Variants in TEP1 observed in about 807,000 individuals in gnomAD.
TEP1 encodes telomerase protein component 1.
TEP1 carries 241 observed loss-of-function variants against 306.3 expected under a neutral mutation model. The observed-to-expected ratio is 0.79, with a 90% CI of 0.71 to 0.88. The LOEUF (loss-of-function observed/expected upper bound fraction) is 0.88. TEP1 is among the 40% of genes least tolerant of loss of function. TEP1 has a pLI of 0.00. For missense variants in TEP1, 3,051 were observed against 3,276.1 expected, an observed-to-expected ratio of 0.93 and a Z score of 1.68; for synonymous variants, 1,289 against 1,305.5, an observed-to-expected ratio of 0.99 and a Z score of 0.27.
intron 51 of TEP1, among the ~76,000 whole-genome samples, chr14:20,370,240 G>T (rs577274597): frequency 9.1e-6 from 1 of 110,148 alleles, no homozygotes; most frequent in African/African-American, 3.2e-5. Context: ...AATGTACATC[G>T]GCGATGTATT....
rs774794104 is a variant in TEP1, at chr14:20,382,386, G to T, written c.4141-30C>A. ...GATGGCGGGAGGACAGCCTTGTTCAGTGCAGTGGGAGGAGAAGCAGCTTGG... is the reference window on the plus strand; with the variant it reads ...GATGGCGGGAGGACAGCCTTGTTCATTGCAGTGGGAGGAGAAGCAGCTTGG... On this transcript the variant is annotated intron_variant, in intron 28 of 54. Coordinates refer to ENST00000262715, the MANE Select transcript of TEP1 (RefSeq NM_007110.5). 7 of 1,584,582 alleles carry T rather than the reference G, an allele frequency of 4.4e-6. No individual in the cohort carries two copies. The Admixed American group carries it at 6.9e-5, about 16-fold the overall frequency.
At position 20,391,161 on chromosome 14, in the gene TEP1, G is replaced by T. The variant is rs878985169; in HGVS notation, c.2098-65C>A. On this transcript the variant is annotated intron_variant, in intron 13 of 54. Transcript: ENST00000262715. ...TTTGGAATTCACCCTTGCCCAGCCA[G>T]CCCTGGAGGCCAAACCCTTCCATTG... The T allele has an allele frequency of 7.6e-5, 117 of 1,541,450 alleles. 1 individual carries two copies. In the South Asian group the frequency reaches 1.3e-3, roughly 17 times the overall value.
At position 20,403,832 on chromosome 14, in the gene TEP1, C is replaced by T. The variant is rs149521092; in HGVS notation, c.1085G>A (p.Arg362His). The part of the protein sequence containing the change: ...NKLVPLPACL[R>H]TAMTDKFAQF... ...GGCAAATTTGTCCGTCATGGCAGTA[C>T]GGAGACAGGCGGGCAGGGGCACCAG... The change falls in exon 6 of 55, where the codon CGT becomes CAT. Residue 362 changes from arginine (R) to histidine (H), a missense_variant. Arg to His is a conservative substitution (Grantham distance 29). Around this residue, in one of 3 missense-constraint regions of TEP1, gnomAD observed 1,507 missense variants for 1,550.5 expected, o/e 0.97. Transcript: ENST00000262715. 245 of 1,614,102 alleles carry T rather than the reference C, an allele frequency of 1.5e-4. No homozygotes were observed. The highest frequency in any genetic ancestry group is 1.4e-4 in the Non-Finnish European group (168 of 1,180,012).
chr14:20,410,214 T>C (rs1203208367), intron 1 of TEP1, among the ~76,000 whole-genome samples: 1 of 152,110 alleles, frequency 6.6e-6, no homozygotes, highest in Non-Finnish European at 1.5e-5. Context: ...CCTCAGTGTC[T>C]CTCAGATCTA....
Position 20,388,002 on chromosome 14 carries a change from A to C in TEP1, c.2587T>G (p.Phe863Val). The change falls in exon 18 of 55, where the codon TTC becomes GTC. Residue 863 changes from phenylalanine (F) to valine (V), a missense_variant. This residue lies in a region of TEP1 where 1,507 missense variants were observed against 1,550.5 expected (regional missense o/e 0.97). Coordinates refer to ENST00000262715, the MANE Select transcript of TEP1 (RefSeq NM_007110.5). ...LEHVGQMDKI[F>V]KIPPPPGKTG... Reference sequence around the variant, plus strand: ...TTTCCTGGGGGTGGTGGAATCTTGAATATTTTGTCCATTTGGCCCACATGT... The same window carrying C: ...TTTCCTGGGGGTGGTGGAATCTTGACTATTTTGTCCATTTGGCCCACATGT... The C allele has an allele frequency of 6.2e-7, 1 of 1,614,140 alleles. No individual in the cohort carries two copies. The highest frequency in any genetic ancestry group is 8.5e-7 in the Non-Finnish European group (1 of 1,180,010).
At chr14:20,391,817 C>G in intron 12 of TEP1, 50 bp from the exon 13 acceptor site, 7 of 1,592,010 alleles carry the variant, frequency 4.4e-6, no homozygotes, top group Non-Finnish European at 6.0e-6. Flanking sequence ...TTATCTGCCC[C>G]TTAGAGGCAG....
At chr14:20,394,367 A>C (rs900853935) in intron 12 of TEP1, among the ~76,000 whole-genome samples, 1 of 151,820 alleles carries the variant, frequency 6.6e-6, no homozygotes. Flanking sequence ...AAAACCTAGC[A>C]TGTCTCAACT....
chr14:20,409,809 A>G (rs1204198665), intron 1 of TEP1, among the ~76,000 whole-genome samples: 2 of 152,026 alleles, frequency 1.3e-5, no homozygotes, highest in Non-Finnish European at 2.9e-5. Flanking sequence ...TCACAAGGTC[A>G]GGAGATCGAG....
rs766482594 is a variant in TEP1, at chr14:20,407,829, C to A, written c.567+44G>T. ...ACTGAAAGCTAGAGACAAGAGCATA[C>A]AACAGACATGGCTGGAGTCAAGATG... On this transcript the variant is annotated intron_variant, in intron 2 of 54. Transcript: ENST00000262715. The A allele has an allele frequency of 2.0e-6, 3 of 1,487,816 alleles. No homozygotes were observed. The African/African-American group carries it at 4.2e-5, about 21-fold the overall frequency. 92.2% of individuals were successfully genotyped at this position (1,487,816 alleles called of 1,614,324 possible).
chr14:20,405,103 A>G (rs1444110954), intron 4 of TEP1, among the ~76,000 whole-genome samples: 1 of 152,222 alleles, frequency 6.6e-6, no homozygotes, highest in African/African-American at 2.4e-5. Context: ...CATTTTCCAA[A>G]GCATCATAGA....
At chr14:20,373,623 G>A (rs1884993912) in intron 45 of TEP1, 40 bp from the exon 46 acceptor site, 2 of 1,614,096 alleles carry the variant, frequency 1.2e-6, no homozygotes, top group Admixed American at 3.3e-5. Context: ...AAGGGACGGA[G>A]CAGGGGAGAA....
intron 34 of TEP1, 85 bp from the exon 35 acceptor site, chr14:20,380,138 C>T (rs538378038): frequency 1.3e-6 from 2 of 1,581,068 alleles, no homozygotes; most frequent in South Asian, 2.4e-5. Context: ...GCCTGGATCC[C>T]TCTCCAGTGT....
At chr14:20,409,416 A>G (rs1318302585) in intron 1 of TEP1, among the ~76,000 whole-genome samples, 2 of 152,176 alleles carry the variant, frequency 1.3e-5, no homozygotes, top group Non-Finnish European at 2.9e-5. Context: ...TGACATTTCT[A>G]TGCTGGCGAC....
chr14:20,383,422 C>T (rs933305592), intron 26 of TEP1, 66 bp downstream of exon 26: 6 of 1,610,258 alleles, frequency 3.7e-6, no homozygotes, highest in Admixed American at 1.7e-5. Context: ...AGGCCTCTCT[C>T]CTCCGTGCCG....
At position 20,382,032 on chromosome 14, in the gene TEP1, C is replaced by A. The variant is rs1393820969; in HGVS notation, c.4305G>T (p.Leu1435=). Residue 1435 remains leucine (L), a synonymous_variant, in exon 30 of 55, where the codon CTG becomes CTT. Coordinates refer to ENST00000262715, the MANE Select transcript of TEP1 (RefSeq NM_007110.5). ...GLTVDQLHGV[L]SVWRTLPKGT... ...CCTTCGGTAGTGTCCGCCACACACTCAGCACTCCGTGCAGCTGGTCCACAG... is the reference window on the plus strand; with the variant it reads ...CCTTCGGTAGTGTCCGCCACACACTAAGCACTCCGTGCAGCTGGTCCACAG... 2 of 1,614,080 alleles carry A rather than the reference C, an allele frequency of 1.2e-6. No homozygotes were observed. The highest frequency in any genetic ancestry group is 1.7e-6 in the Non-Finnish European group (2 of 1,180,042).
At chr14:20,380,105 G>A in intron 34 of TEP1, 52 bp from the exon 35 acceptor site, 1 of 1,594,310 alleles carries the variant, frequency 6.3e-7, no homozygotes, top group Non-Finnish European at 8.5e-7. Context: ...AATGCAAACA[G>A]GAGTTGATTT....
chr14:20,396,040 A>G (rs942456584), intron 10 of TEP1, 91 bp from the exon 11 acceptor site: 4 of 836,150 alleles, frequency 4.8e-6, no homozygotes, highest in Non-Finnish European at 7.6e-6. Context: ...GTGGGAAGGT[A>G]CAGAAGGACA....
chr14:20,380,526 C>A (rs1424237396), intron 33 of TEP1, 51 bp from the exon 34 acceptor site: 3 of 1,563,652 alleles, frequency 1.9e-6, no homozygotes, highest in Admixed American at 1.8e-5. Flanking sequence ...ACCCCATTAG[C>A]CCCAGCACCA....
At position 20,389,282 on chromosome 14, in the gene TEP1, A is replaced by G. The variant is rs748551588; in HGVS notation, c.2481T>C (p.Asn827=). 3.7e-6 allele frequency: 6 copies of G among 1,614,176 alleles called. No homozygotes were observed. Among genetic ancestry groups the G allele is most frequent in the Non-Finnish European group, 5.1e-6 (6 of 1,180,020 alleles). ...AGCCTGAGAGTGTCACATCATTGGG[A>G]TTCAAATCTGTTGACCTGGCAAAGG... ...RRVQYLSTDL[N]PNDVTLSGCT... Residue 827 remains asparagine (N), a synonymous_variant, in exon 17 of 55, where the codon AAT becomes AAC. Transcript: ENST00000262715.
Sources: gnomAD v4.1 joint callset for allele counts (sites outside exome capture counted in the v4.1 genomes callset) on GRCh38, gnomAD v4.1.1 for gene constraint, gnomAD v4.1.1 regional missense constraint, MANE v1.5 for transcripts, NCBI Gene and HGNC (gene_info 2026-07-23, HGNC 2026-07-21) for gene names.